The following NEDD9 variants were observed in gnomAD, a reference collection of about 807,000 sequenced individuals.
The protein encoded by NEDD9 is enhancer of filamentation 1.
A neutral mutation model predicts 76.6 loss-of-function variants in NEDD9; 26 were observed. That is an observed-to-expected ratio of 0.34 (90% CI 0.25 to 0.47). NEDD9 has a LOEUF of 0.47. NEDD9 is among the 20% of genes least tolerant of loss of function. The pLI is 1.00. For synonymous variants in NEDD9, 392 were observed against 414.2 expected, an observed-to-expected ratio of 0.95 and a Z score of 0.65; for missense variants, 937 against 1,058.5, an observed-to-expected ratio of 0.89 and a Z score of 1.59.
rs1758862865 is a variant in NEDD9, at chr6:11,213,791, G to A, written c.13-64C>T. Reference sequence around the variant, plus strand: ...TTGGGTCGGTCCCTTTATCACCTAAGGCCCGTGCTCTTATGGAAAGGCACA... The same window carrying A: ...TTGGGTCGGTCCCTTTATCACCTAAAGCCCGTGCTCTTATGGAAAGGCACA... On this transcript the variant is annotated intron_variant, in intron 1 of 6. Transcript: ENST00000379446. This position sits in a 1 kb window ranked among gnomAD's most constrained non-coding sequence, Gnocchi z 5.4. 2 of 1,457,944 alleles carry A rather than the reference G, an allele frequency of 1.4e-6. No homozygotes were observed. The highest frequency in any genetic ancestry group is 2.3e-5 in the East Asian group (1 of 43,870). 90.3% of individuals were successfully genotyped at this position (1,457,944 alleles called of 1,614,324 possible). A position where few individuals can be genotyped will look rare whatever the true frequency, so the allele number is the denominator to read the frequency against.
At position 11,213,643 on chromosome 6, in the gene NEDD9, T is replaced by A. The variant is rs1297921566; in HGVS notation, c.97A>T (p.Ile33Leu). The A allele has an allele frequency of 3.3e-5, 54 of 1,614,096 alleles. No individual in the cohort carries two copies. Among genetic ancestry groups the A allele is most frequent in the Non-Finnish European group, 4.3e-5 (51 of 1,180,036 alleles). The change falls in exon 2 of 7, where the codon ATA becomes TTA. Residue 33 changes from isoleucine to leucine, a missense_variant. Ile to Leu is a conservative substitution (Grantham distance 5, BLOSUM62 2). Coordinates refer to ENST00000379446, the MANE Select transcript of NEDD9 (RefSeq NM_006403.4). This position sits in a 1 kb window ranked among gnomAD's most constrained non-coding sequence, Gnocchi z 5.4. Reference protein sequence around the residue: ...AFRKGDILTVIEQNTGGLEGW... With the variant: ...AFRKGDILTVLEQNTGGLEGW... Reference sequence around the variant, plus strand: ...TCCAGTCCCCCTGTGTTCTGCTCTATGACGGTCAGGATGTCTCCCTTGCGA... The same window carrying A: ...TCCAGTCCCCCTGTGTTCTGCTCTAAGACGGTCAGGATGTCTCCCTTGCGA...
chr6:11,351,128 T>C (rs1423540785), intron 1 of NEDD9, among the ~76,000 whole-genome samples: 1 of 151,954 alleles, frequency 6.6e-6, no homozygotes, highest in East Asian at 1.9e-4. Context: ...AAGGGAGATG[T>C]TCCAGGAAGA....
chr6:11,256,702 G>T (rs1021718676), intron 3 of NEDD9, among the ~76,000 whole-genome samples: 7 of 152,134 alleles, frequency 4.6e-5, no homozygotes, highest in African/African-American at 1.7e-4. Flanking sequence ...GGCCTCAAGC[G>T]ATTCTCCTGC....
intron 2 of NEDD9, chr6:11,199,377 C>T (rs1353232111): frequency 3.3e-5 from 5 of 152,234 alleles, no homozygotes; most frequent in Admixed American, 3.3e-4. Context: ...AGGTTCCATT[C>T]TAAGCCTGTT....
chr6:11,246,428 G>T (rs76306963), intron 3 of NEDD9, among the ~76,000 whole-genome samples: 1 of 152,114 alleles, frequency 6.6e-6, no homozygotes, highest in East Asian at 1.9e-4. Context: ...CCATCACGAC[G>T]TGGTCCCCCA....
At chr6:11,368,426 T>C (rs2113565737) in intron 1 of NEDD9, among the ~76,000 whole-genome samples, 1 of 152,284 alleles carries the variant, frequency 6.6e-6, no homozygotes, top group East Asian at 1.9e-4. Flanking sequence ...CTACCACAAC[T>C]CTTGGATACG....
At chr6:11,314,200 CAGGACCTTTGGATG>C (rs1177315593) in intron 2 of NEDD9, among the ~76,000 whole-genome samples, 1 of 152,160 alleles carries the variant, frequency 6.6e-6, no homozygotes, top group Non-Finnish European at 1.5e-5. Context: ...TCTACATAAA[CAGGACCTTTGGATG>C]AGGAGATCCT....
intron 3 of NEDD9, among the ~76,000 whole-genome samples, chr6:11,286,858 G>A (rs1487224295): frequency 1.3e-5 from 2 of 152,166 alleles, no homozygotes; most frequent in African/African-American, 2.4e-5. Flanking sequence ...AAAGGGGCAT[G>A]AGAAAACTTC....
At position 11,213,772 on chromosome 6, in the gene NEDD9, C is replaced by G; in HGVS notation, c.13-45G>C. 5 of 1,584,824 alleles carry G rather than the reference C, an allele frequency of 3.2e-6. No homozygotes were observed. Among genetic ancestry groups the G allele is most frequent in the Non-Finnish European group, 4.3e-6 (5 of 1,159,788 alleles). On this transcript the variant is annotated intron_variant, in intron 1 of 6. Coordinates refer to ENST00000379446, the MANE Select transcript of NEDD9 (RefSeq NM_006403.4). The surrounding 1 kb of genome is among the most constrained non-coding windows in gnomAD (Gnocchi z 5.4). ...AGGAAACCGTGTTAGAATATTGGGT[C>G]GGTCCCTTTATCACCTAAGGCCCGT...
At position 11,185,228 on chromosome 6, in the gene NEDD9, T is replaced by G; in HGVS notation, c.2439A>C (p.Gln813His). The G allele has an allele frequency of 1.2e-6, 2 of 1,614,124 alleles. No homozygotes were observed. Among genetic ancestry groups the G allele is most frequent in the Non-Finnish European group, 1.7e-6 (2 of 1,180,032 alleles). ...GGGCATTTCTAGAAAGGTCTGTCAC[T>G]TGGTGCACCATTTCCTGCAGGGCCG... ...STTALQEMVH[Q>H]VTDLSRNAQL... The change falls in exon 7 of 7, where the codon CAA becomes CAC. Residue 813 changes from glutamine to histidine, a missense_variant. Physicochemically the swap from Gln to His is conservative, Grantham distance 24. Transcript: ENST00000379446.
At chr6:11,364,785 C>T (rs961383259) in intron 1 of NEDD9, among the ~76,000 whole-genome samples, 3 of 152,158 alleles carry the variant, frequency 2.0e-5, no homozygotes, top group East Asian at 3.9e-4. Flanking sequence ...ATCCCACTAA[C>T]AAGCAGAAAG....
chr6:11,308,774 A>G (rs1018228394), intron 2 of NEDD9, among the ~76,000 whole-genome samples: 1 of 152,162 alleles, frequency 6.6e-6, no homozygotes, highest in African/African-American at 2.4e-5. Flanking sequence ...AGCCCCACAA[A>G]AAATTGTTTT....
intron 1 of NEDD9, among the ~76,000 whole-genome samples, chr6:11,216,382 C>G (rs976404764): frequency 6.6e-6 from 1 of 152,198 alleles, no homozygotes; most frequent in Admixed American, 6.5e-5. Context: ...GCTCCAGGGA[C>G]CTTTAGAGAT....
rs116652270 is a variant in NEDD9, at chr6:11,370,657, A to G, written c.-214+11482T>C. Among the ~76,000 whole-genome samples the G allele has an allele frequency of 1.1e-3, 174 of 152,276 alleles. No homozygotes were observed. Among genetic ancestry groups the G allele is most frequent in the African/African-American group, 3.9e-3 (161 of 41,566 alleles). On this transcript the variant is annotated intron_variant, in intron 1 of 3. Coordinates refer to the NEDD9 transcript ENST00000397378. This position sits in a 1 kb window ranked among gnomAD's most constrained non-coding sequence, Gnocchi z 4.2. ...CAGAGAGCTTCTTTCCCTGCCTGGTAGCACCCGTCCCTCACGCTCACTGGA... is the reference window on the plus strand; with the variant it reads ...CAGAGAGCTTCTTTCCCTGCCTGGTGGCACCCGTCCCTCACGCTCACTGGA...
chr6:11,254,393 G>A (rs1446168684), intron 3 of NEDD9, among the ~76,000 whole-genome samples: 1 of 152,204 alleles, frequency 6.6e-6, no homozygotes, highest in Non-Finnish European at 1.5e-5. Context: ...TTACAGGTGT[G>A]AGCCACCAAG....
At chr6:11,185,700 T>G (rs762339915) in intron 6 of NEDD9, 29 bp from the exon 7 acceptor site, 6 of 1,612,100 alleles carry the variant, frequency 3.7e-6, no homozygotes, top group Non-Finnish European at 5.1e-6. Context: ...CAGATCTCAT[T>G]AGAGCAAGGG....
intron 2 of NEDD9, 27 bp from the exon 3 acceptor site, chr6:11,193,719 A>T: frequency 6.4e-7 from 1 of 1,561,388 alleles, no homozygotes; most frequent in Middle Eastern, 1.7e-4. Flanking sequence ...ACAGAGGTGT[A>T]AATTTCCAAG....
At chr6:11,271,682 G>A (rs1360134620) in intron 3 of NEDD9, 1 of 152,206 alleles carries the variant, frequency 6.6e-6, no homozygotes, top group African/African-American at 2.4e-5. Context: ...GTGTTTGGAA[G>A]GAAAAATGCA....
At chr6:11,371,399 G>A (rs571416646) in intron 1 of NEDD9, among the ~76,000 whole-genome samples, 1 of 152,210 alleles carries the variant, frequency 6.6e-6, no homozygotes, top group Admixed American at 6.5e-5. Flanking sequence ...GACTTTCACT[G>A]CCCTCAAATC....
Sources: allele counts gnomAD v4.1 joint callset (sites outside exome capture counted in the v4.1 genomes callset), GRCh38; gene constraint gnomAD v4.1.1; non-coding constraint Gnocchi (gnomAD v3.1); transcripts MANE v1.5; gene names NCBI Gene and HGNC (gene_info 2026-07-23, HGNC 2026-07-21).